Variants in ASCC3 observed in about 807,000 individuals in gnomAD.
ASCC3 encodes ASC-1 complex subunit P200.
A neutral mutation model predicts 256.3 loss-of-function variants in ASCC3; 158 were observed. The ratio of observed to expected loss-of-function variants is 0.62; its 90% CI spans 0.54 to 0.70. ASCC3 has a LOEUF of 0.70. Ranked by LOEUF, ASCC3 falls within the 30% of genes least tolerant of loss-of-function variation. The pLI, the probability that ASCC3 is intolerant of heterozygous loss-of-function variation, is 0.00. For synonymous variants in ASCC3, 948 were observed against 883.4 expected (o/e 1.07, Z -1.30); for missense variants, 2,259 against 2,626.0 (o/e 0.86, Z 3.05).
intron 14 of ASCC3, among the ~76,000 whole-genome samples, chr6:100,667,454 C>T (rs1776535309): frequency 6.6e-6 from 1 of 152,084 alleles, no homozygotes; most frequent in African/African-American, 2.4e-5. Context: ...GGAGCCAATT[C>T]AAGTTTTTAA....
chr6:100,724,140 CAAAAAAACAAAA>C (rs1372414084), intron 11 of ASCC3, among the ~76,000 whole-genome samples: 45 of 74,482 alleles, frequency 6.0e-4, no homozygotes, highest in Admixed American at 2.3e-3. Context: ...AGAGTAGCTA[CAAAAAAACAAAA>C]AAAAAAACAA....
intron 36 of ASCC3, among the ~76,000 whole-genome samples, chr6:100,554,034 C>T (rs1201134134): frequency 1.6e-4 from 24 of 152,096 alleles, no homozygotes; most frequent in Admixed American, 1.6e-3. Flanking sequence ...TGCCTTTCAG[C>T]AATTAGCTGG....
intron 2 of ASCC3, 83 bp from the exon 3 acceptor site, chr6:100,864,297 A>G (rs1260600369): frequency 8.0e-5 from 101 of 1,257,894 alleles, no homozygotes; most frequent in Non-Finnish European, 1.1e-4. Flanking sequence ...TTTGCATTAC[A>G]TTATACAACT....
At chr6:100,559,566 A>G (rs921456037) in intron 36 of ASCC3, among the ~76,000 whole-genome samples, 2 of 152,066 alleles carry the variant, frequency 1.3e-5, no homozygotes, top group African/African-American at 4.8e-5. Flanking sequence ...ATTCTGTTAC[A>G]GGGCTGGGCA....
intron 10 of ASCC3, among the ~76,000 whole-genome samples, chr6:100,754,745 TG>T (rs1375600535): frequency 6.6e-6 from 1 of 152,144 alleles, no homozygotes; most frequent in Non-Finnish European, 1.5e-5. Flanking sequence ...AATCTTATCT[TG>T]AATTGTAGCT....
At chr6:100,706,001 ATCTC>A (rs145342390) in intron 13 of ASCC3, among the ~76,000 whole-genome samples, 6 of 151,832 alleles carry the variant, frequency 4.0e-5, no homozygotes, top group African/African-American at 1.5e-4. Flanking sequence ...CCAGAAGCAA[ATCTC>A]TCTCTCTACA....
intron 13 of ASCC3, among the ~76,000 whole-genome samples, chr6:100,692,349 A>G (rs1386821512): frequency 1.3e-5 from 2 of 152,072 alleles, no homozygotes; most frequent in Non-Finnish European, 2.9e-5. Flanking sequence ...AAGCAAGATA[A>G]TTTGCTGAAG....
At chr6:100,697,256 C>A (rs569878277) in intron 13 of ASCC3, among the ~76,000 whole-genome samples, 1 of 151,790 alleles carries the variant, frequency 6.6e-6, no homozygotes, top group African/African-American at 2.4e-5. Flanking sequence ...AAAATAGTAC[C>A]TAGTTAACAA....
intron 36 of ASCC3, among the ~76,000 whole-genome samples, chr6:100,588,658 TA>T (rs964293648): frequency 4.6e-5 from 7 of 152,164 alleles, no homozygotes; most frequent in African/African-American, 1.7e-4. Flanking sequence ...AATTCATTAA[TA>T]AAAATTTTCA....
chr6:100,539,849 C>T (rs1775355794), intron 37 of ASCC3, among the ~76,000 whole-genome samples: 1 of 151,850 alleles, frequency 6.6e-6, no homozygotes, highest in Admixed American at 6.6e-5. Flanking sequence ...TCAGTCTTCC[C>T]CGTCTTGAGT....
At chr6:100,687,357 T>C (rs564376098) in intron 13 of ASCC3, among the ~76,000 whole-genome samples, 9 of 152,156 alleles carry the variant, frequency 5.9e-5, no homozygotes, top group African/African-American at 1.9e-4. Flanking sequence ...AAATCTTTAA[T>C]AGTTTTTTGT....
chr6:100,516,916 AG>A (rs1015776022), intron 38 of ASCC3, among the ~76,000 whole-genome samples: 1 of 152,038 alleles, frequency 6.6e-6, no homozygotes, highest in Non-Finnish European at 1.5e-5. Context: ...CAGCTACCAT[AG>A]CAGACCTGTG....
chr6:100,627,764 A>G, intron 28 of ASCC3, 54 bp from the exon 29 acceptor site: 1 of 1,607,238 alleles, frequency 6.2e-7, no homozygotes, highest in Non-Finnish European at 8.5e-7. Flanking sequence ...GAATTTTATA[A>G]GGTTATAATA....
chr6:100,777,019 T>C (rs1367509420), intron 8 of ASCC3, among the ~76,000 whole-genome samples: 11 of 152,040 alleles, frequency 7.2e-5, no homozygotes, highest in Non-Finnish European at 8.8e-5. Context: ...TCCGTCCAAG[T>C]TTTATATTCT....
chr6:100,640,135 A>T (rs1775048203), intron 24 of ASCC3, among the ~76,000 whole-genome samples: 2 of 152,140 alleles, frequency 1.3e-5, no homozygotes, highest in Admixed American at 1.3e-4. Flanking sequence ...TAAAATGAAT[A>T]AAAAATAATA....
At chr6:100,655,410 C>T (rs1436767685) in intron 17 of ASCC3, among the ~76,000 whole-genome samples, 1 of 151,716 alleles carries the variant, frequency 6.6e-6, no homozygotes, top group Non-Finnish European at 1.5e-5. Flanking sequence ...AAATTTCTCA[C>T]AGTTTAAAAA....
intron 4 of ASCC3, among the ~76,000 whole-genome samples, chr6:100,806,573 G>C (rs1276399445): frequency 1.3e-5 from 2 of 151,766 alleles, no homozygotes; most frequent in Non-Finnish European, 2.9e-5. Context: ...GATCTGGGAA[G>C]ATACATGTAT....
intron 13 of ASCC3, among the ~76,000 whole-genome samples, chr6:100,684,841 C>T (rs1408434500): frequency 2.7e-4 from 34 of 127,916 alleles, no homozygotes; most frequent in Admixed American, 9.2e-5. Context: ...GAGTCTCCCT[C>T]TGTCACCCAG....
chr6:100,743,690 T>C (rs1375324010), intron 10 of ASCC3, among the ~76,000 whole-genome samples: 1 of 152,234 alleles, frequency 6.6e-6, no homozygotes, highest in South Asian at 2.1e-4. Flanking sequence ...CAATATACTA[T>C]ATCTGATATA....
Sources: gnomAD v4.1 joint callset for allele counts (sites outside exome capture counted in the v4.1 genomes callset) on GRCh38, gnomAD v4.1.1 for gene constraint, MANE v1.5 for transcripts, NCBI Gene and HGNC (gene_info 2026-07-23, HGNC 2026-07-21) for gene names.